Variants in CDHR5 observed in about 807,000 individuals in gnomAD.
The protein encoded by CDHR5 is cadherin-related family member 5.
In CDHR5, 82 loss-of-function variants were observed where a neutral mutation model predicts 69.5. The observed-to-expected ratio is 1.18, with a 90% confidence interval of 0.99 to 1.42. The LOEUF (loss-of-function observed/expected upper bound fraction) is 1.42, where lower values mean the gene tolerates loss of function less well. CDHR5 is among the 40% of genes most tolerant of loss of function. CDHR5 has a pLI of 0.00. For missense variants in CDHR5, 1,293 were observed against 1,168.9 expected, an observed-to-expected ratio of 1.11 and a Z score of -1.55; for synonymous variants, 601 against 510.2, an observed-to-expected ratio of 1.18 and a Z score of -2.40.
At position 620,264 on chromosome 11, in the gene CDHR5, C is replaced by G. The variant is rs746847460; in HGVS notation, c.880+32G>C. On this transcript the variant is annotated intron_variant, in intron 8 of 14. Transcript: ENST00000397542. ...GATGGAGACAGGGACAGAGGGGGTA[C>G]AGGGCATTGTTGAGGGCTGGGCCCC... 6.9e-6 allele frequency: 11 copies of G among 1,590,816 alleles called. No individual in the cohort carries two copies. The South Asian group carries it at 1.1e-4, about 16-fold the overall frequency.
In CDHR5 at chr11:623,577, G is replaced by A. The variant is rs535384300; in HGVS notation, c.312+636C>T. ...AGTCCTGAGCCGGTGAGGGAGGGGCGTGCCTGGCGGGAGCCCTGAGGCTGC... is the reference window on the plus strand; with the variant it reads ...AGTCCTGAGCCGGTGAGGGAGGGGCATGCCTGGCGGGAGCCCTGAGGCTGC... On this transcript the variant is annotated intron_variant, in intron 3 of 14. Coordinates refer to ENST00000397542, the MANE Select transcript of CDHR5 (RefSeq NM_021924.5). Among the ~76,000 whole-genome samples, 4 of 152,214 alleles carry A rather than the reference G, an allele frequency of 2.6e-5. No homozygotes were observed. The South Asian group carries it at 6.2e-4, about 24-fold the overall frequency.
At position 618,040 on chromosome 11, in the gene CDHR5, G is replaced by A. The variant is rs1857084716; in HGVS notation, c.2032C>T (p.Leu678=). 6.2e-7 allele frequency: 1 copy of A among 1,612,160 alleles called. No homozygotes were observed. The highest frequency in any genetic ancestry group is 8.5e-7 in the Non-Finnish European group (1 of 1,179,548). ...MAALGGVLGA[L]LLLALLGLAV... ...AGGCCAAGGAGAGCCAGCAGCAGCA[G>A]CGCACCCAGCACCCCGCCCAGGGCC... The change falls in exon 14 of 15, where the codon CTG becomes TTG. Residue 678 remains leucine (L), a synonymous_variant. Transcript: ENST00000397542.
Position 621,972 on chromosome 11 carries a change from A to T in CDHR5, c.313-68T>A. On this transcript the variant is annotated intron_variant, in intron 3 of 14. Coordinates refer to ENST00000397542, the MANE Select transcript of CDHR5 (RefSeq NM_021924.5). This position sits in a 1 kb window ranked among gnomAD's most constrained non-coding sequence, Gnocchi z 4.4. Reference sequence around the variant, plus strand: ...TTGTGAGGTGCACCCCTCGACGGCTATCCGTCCCCACCGTGAGTGAGGTGC... The same window carrying T: ...TTGTGAGGTGCACCCCTCGACGGCTTTCCGTCCCCACCGTGAGTGAGGTGC... 2 of 1,269,546 alleles carry T rather than the reference A, an allele frequency of 1.6e-6. No individual in the cohort carries two copies. Among genetic ancestry groups the T allele is most frequent in the Non-Finnish European group, 2.2e-6 (2 of 893,676 alleles). 78.6% of individuals were successfully genotyped at this position (1,269,546 alleles called of 1,614,324 possible).
rs559963181 is a variant in CDHR5, at chr11:621,373, G to C, written c.590C>G (p.Pro197Arg). ...LDRPLDFYER[P>R]NMTFWLLVRD... ...CACCAGCAGCCAGAAGGTCATGTTC[G>C]GCCGCTCGTAGAAGTCCAGGGGCCG... The change falls in exon 6 of 15, where the codon CCG becomes CGG. Residue 197 changes from proline to arginine, a missense_variant. Pro to Arg is a moderately radical substitution (Grantham distance 103). Coordinates refer to ENST00000397542, the MANE Select transcript of CDHR5 (RefSeq NM_021924.5). This position sits in a 1 kb window ranked among gnomAD's most constrained non-coding sequence, Gnocchi z 4.4. 5 of 1,613,164 alleles carry C rather than the reference G, an allele frequency of 3.1e-6. 1 individual carries two copies. The Middle Eastern group carries it at 8.2e-4, about 266-fold the overall frequency.
rs1857385380 is a variant in CDHR5, at chr11:621,496, GGGCGAGGGCGGCTGTGGGTGTCAGA to G, written c.507+41_508-42del. 1 of 1,596,822 alleles carries G rather than the reference GGGCGAGGGCGGCTGTGGGTGTCAGA, an allele frequency of 6.3e-7. No individual in the cohort carries two copies. The highest frequency in any genetic ancestry group is 8.6e-7 in the Non-Finnish European group (1 of 1,164,644). Reference sequence around the variant, plus strand: ...GAGGACAGAGCCTAAGAGCCTTGGAGGGCGAGGGCGGCTGTGGGTGTCAGAGGCGAGGGGCTCGTGCTGGGGCAGG... The same window carrying G: ...GAGGACAGAGCCTAAGAGCCTTGGAGGGCGAGGGGCTCGTGCTGGGGCAGG... On this transcript the variant is annotated intron_variant, in intron 5 of 14. Transcript: ENST00000397542. The surrounding 1 kb of genome is among the most constrained non-coding windows in gnomAD (Gnocchi z 4.4).
rs1164059549 is a variant in CDHR5, at chr11:624,918, C to T, written c.-16G>A. 2 of 1,541,318 alleles carry T rather than the reference C, an allele frequency of 1.3e-6. No homozygotes were observed. Among genetic ancestry groups the T allele is most frequent in the South Asian group, 2.4e-5 (2 of 84,788 alleles). On this transcript the variant is annotated 5_prime_UTR_variant, in exon 1 of 15. Transcript: ENST00000397542. This position sits in a 1 kb window ranked among gnomAD's most constrained non-coding sequence, Gnocchi z 5.3. The stretch of plus-strand genomic sequence containing the variant: ...AAGACCCCATCTTGGCGGCTGTCAC[C>T]TGGCAGGAGGGTCTGAGCGGGTCTG...
Position 624,156 on chromosome 11 carries a change from G to A in CDHR5, c.312+57C>T, listed in dbSNP as rs1857575883. The A allele has an allele frequency of 2.7e-6, 2 of 727,834 alleles. No individual in the cohort carries two copies. The highest frequency in any genetic ancestry group is 1.7e-5 in the African/African-American group (1 of 58,126). 45.1% of individuals were successfully genotyped at this position (727,834 alleles called of 1,614,324 possible). ...ATCAAAGACTGGTCCTGGACCGGCA[G>A]GGCAGAGCCCAGCAGAGGTGGCCGG... On this transcript the variant is annotated intron_variant, in intron 3 of 14. Transcript: ENST00000397542. This position sits in a 1 kb window ranked among gnomAD's most constrained non-coding sequence, Gnocchi z 5.3.
Position 617,349 on chromosome 11 carries a change from A to T in CDHR5, c.*2T>A. The stretch of plus-strand genomic sequence containing the variant: ...GGCTGGGGGAGAGGGTGGAGGGGCC[A>T]CTTAGATGTAGGAGTCATCACCACC... On this transcript the variant is annotated 3_prime_UTR_variant, in exon 15 of 15. Transcript: ENST00000397542. 6.3e-7 allele frequency: 1 copy of T among 1,589,090 alleles called. No individual in the cohort carries two copies. The highest frequency in any genetic ancestry group is 8.6e-7 in the Non-Finnish European group (1 of 1,162,392).
At position 619,300 on chromosome 11, in the gene CDHR5, G is replaced by C; in HGVS notation, c.1378+6C>G. 1 of 1,595,752 alleles carries C rather than the reference G, an allele frequency of 6.3e-7. No individual in the cohort carries two copies. Among genetic ancestry groups the C allele is most frequent in the Non-Finnish European group, 8.6e-7 (1 of 1,166,150 alleles). ...CCTGGGGGCTCACCTGTGGAGGGGGGCTTACCTGTGGAGGGGGGCTCCTGT... is the reference window on the plus strand; with the variant it reads ...CCTGGGGGCTCACCTGTGGAGGGGGCCTTACCTGTGGAGGGGGGCTCCTGT... On this transcript the variant is annotated splice_donor_region_variant and intron_variant, in intron 12 of 14. Transcript: ENST00000397542.
In CDHR5 at chr11:620,543, C is replaced by T. The variant is rs73400310; in HGVS notation, c.790-157G>A. 8.7e-3 allele frequency among the ~76,000 whole-genome samples: 1,332 copies of T among 152,252 alleles called. 20 individuals carry two copies. The highest frequency in any genetic ancestry group is 0.031 in the African/African-American group (1,270 of 41,524). On this transcript the variant is annotated intron_variant, in intron 7 of 14. Transcript: ENST00000397542. ...TGCCTGCCTAGGACAGTCCCTTGTC[C>T]CAGCATCACAATCAGTAACACCCCT...
intron 3 of CDHR5, among the ~76,000 whole-genome samples, chr11:623,380 G>T (rs772359762): frequency 1.7e-4 from 26 of 152,322 alleles, no homozygotes; most frequent in Non-Finnish European, 3.1e-4. Flanking sequence ...TGCATGGAGG[G>T]CACAGAGCCT....
chr11:618,489 T>A, intron 13 of CDHR5, 110 bp downstream of exon 13: 1 of 1,304,304 alleles, frequency 7.7e-7, no homozygotes, highest in Non-Finnish European at 1.1e-6. Context: ...GACTCCTCTT[T>A]GGGATTTCAT....
intron 3 of CDHR5, among the ~76,000 whole-genome samples, chr11:622,748 T>G (rs1159075098): frequency 6.6e-6 from 1 of 151,780 alleles, no homozygotes; most frequent in African/African-American, 2.4e-5. Flanking sequence ...AGTGCTGGGA[T>G]TCCAGGTGTG....
rs780450620 is a variant in CDHR5 at position 621,628 on chromosome 11, C to G, written c.441G>C (p.Thr147=). 4 of 1,613,694 alleles carry G rather than the reference C, an allele frequency of 2.5e-6. No individual in the cohort carries two copies. Among genetic ancestry groups the G allele is most frequent in the Non-Finnish European group, 3.4e-6 (4 of 1,179,768 alleles). ...TGTCGCGGTCCTCAGCCTGCAGTTGCGTCTCGGGGATGACGGTGGAGTTCA... is the reference window on the plus strand; with the variant it reads ...TGTCGCGGTCCTCAGCCTGCAGTTGGGTCTCGGGGATGACGGTGGAGTTCA... ...TKVNSTVIPE[T]QLQAEDRDKD... Residue 147 remains threonine (T), a synonymous_variant, in exon 5 of 15, where the codon ACG becomes ACC. Transcript: ENST00000397542. This position sits in a 1 kb window ranked among gnomAD's most constrained non-coding sequence, Gnocchi z 4.4.
chr11:624,383 C>T lies in CDHR5; in HGVS notation c.262-120G>A, dbSNP rs929440580. 5 of 763,766 alleles carry T rather than the reference C, an allele frequency of 6.5e-6. No individual in the cohort carries two copies. Among genetic ancestry groups the T allele is most frequent in the Non-Finnish European group, 9.4e-6 (4 of 426,054 alleles). 47.3% of individuals were successfully genotyped at this position (763,766 alleles called of 1,614,324 possible). The stretch of plus-strand genomic sequence containing the variant: ...CAGTGGTCAGTGCTGAGGGTGTGGG[C>T]CCAGGCAGCTTCATCCCGAAATGGC... On this transcript the variant is annotated intron_variant, in intron 2 of 14. Coordinates refer to ENST00000397542, the MANE Select transcript of CDHR5 (RefSeq NM_021924.5). This position sits in a 1 kb window ranked among gnomAD's most constrained non-coding sequence, Gnocchi z 5.3.
rs778930946 is a variant in CDHR5 at position 617,415 on chromosome 11, C to T, written c.2474G>A (p.Gly825Asp). The change falls in exon 15 of 15, where the codon GGC becomes GAC. Residue 825 changes from glycine (G) to aspartate (D), a missense_variant. Gly to Asp is a moderately conservative substitution (Grantham distance 94). Transcript: ENST00000397542. ...GASDSGSGDE[G>D]EGAGRGGGPY... ...ACCCCCACCCCTCCCCGCGCCCTCG[C>T]CCTCATCGCCGCTGCCGGAGTCACT... The T allele has an allele frequency of 1.2e-6, 2 of 1,611,752 alleles. No individual in the cohort carries two copies. The highest frequency in any genetic ancestry group is 1.7e-6 in the Non-Finnish European group (2 of 1,179,344).
intron 3 of CDHR5, among the ~76,000 whole-genome samples, chr11:623,927 G>T (rs1458243334): frequency 6.6e-6 from 1 of 152,108 alleles, no homozygotes; most frequent in South Asian, 2.1e-4. Flanking sequence ...AACCAAGGTG[G>T]TCCCCGTGAC....
chr11:616,947 G>GAGCTC lies in CDHR5; in HGVS notation c.*403_*404insGAGCT. The GAGCTC allele has an allele frequency of 4.5e-6, 1 of 224,710 alleles. No homozygotes were observed. The allele number at this position is 224,710 out of a possible 1,614,324, so 13.9% of individuals were successfully genotyped here. ...AGCCTCCCCAGGCAATCTCTGTGTA[G>GAGCTC]GGTCGGGAGCGGGAGGTCTGAGATG... On this transcript the variant is annotated 3_prime_UTR_variant, in exon 15 of 15. Coordinates refer to ENST00000397542, the MANE Select transcript of CDHR5 (RefSeq NM_021924.5).
rs111246420 is a variant in CDHR5, at chr11:617,854, C to T, written c.2119-84G>A. 7,916 of 1,490,810 alleles carry T rather than the reference C, an allele frequency of 5.3e-3. 44 individuals carry two copies. The highest frequency in any genetic ancestry group is 5.7e-3 in the Non-Finnish European group (6,346 of 1,109,054). The allele number at this position is 1,490,810 out of a possible 1,614,324, so 92.3% of individuals were successfully genotyped here. On this transcript the variant is annotated intron_variant, in intron 14 of 14. Transcript: ENST00000397542. ...CACACCCTCATTCCACGCTGGACAC[C>T]CCTCCGTCTCCACATCTGTCCCTCT...
Sources: gnomAD v4.1 joint callset for allele counts (sites outside exome capture counted in the v4.1 genomes callset) on GRCh38, gnomAD v4.1.1 for gene constraint, Gnocchi (gnomAD v3.1) non-coding constraint, MANE v1.5 for transcripts, NCBI Gene and HGNC (gene_info 2026-07-23, HGNC 2026-07-21) for gene names.